Variants in ACER3 observed in about 807,000 individuals in gnomAD.
ACER3 encodes alkCDase 3.
ACER3 carries 16 observed loss-of-function variants against 48.9 expected under a neutral mutation model. The ratio of observed to expected loss-of-function variants is 0.33; its 90% CI spans 0.22 to 0.50. ACER3 has a LOEUF of 0.50. ACER3 is among the 20% of genes least tolerant of loss of function. The pLI is 0.98. For synonymous variants in ACER3, 109 were observed against 107.8 expected (o/e 1.01, Z -0.07); for missense variants, 227 against 326.0 (o/e 0.70, Z 2.34).
intron 7 of ACER3, among the ~76,000 whole-genome samples, chr11:77,005,606 T>C (rs782790067): frequency 6.6e-5 from 10 of 152,082 alleles, no homozygotes; most frequent in Non-Finnish European, 1.5e-4. Flanking sequence ...CTTACCTCTC[T>C]TCCTAGCTTC....
At chr11:76,941,278 G>A (rs912659232) in intron 2 of ACER3, among the ~76,000 whole-genome samples, 2 of 152,118 alleles carry the variant, frequency 1.3e-5, no homozygotes, top group African/African-American at 4.8e-5. Context: ...GCTTTGTGGA[G>A]AAATATTTCA....
intron 1 of ACER3, among the ~76,000 whole-genome samples, chr11:76,915,816 C>T (rs1946512726): frequency 6.6e-6 from 1 of 152,154 alleles, no homozygotes; most frequent in Admixed American, 6.6e-5. Context: ...TGTGTGCAAG[C>T]ACAGGGAAAA....
At chr11:77,020,158 A>G (rs1949448387) in intron 10 of ACER3, 116 bp from the exon 11 acceptor site, 23 of 1,028,534 alleles carry the variant, frequency 2.2e-5, no homozygotes, top group Non-Finnish European at 3.3e-5. Context: ...TACCAGGACA[A>G]TCACTAGCAA....
At chr11:76,887,409 C>CT (rs1421614150) in intron 1 of ACER3, among the ~76,000 whole-genome samples, 8 of 152,154 alleles carry the variant, frequency 5.3e-5, no homozygotes, top group Non-Finnish European at 1.0e-4. Flanking sequence ...CAAAGAGAGA[C>CT]TGCTTGAAGT....
chr11:76,955,211 A>C (rs966387455), intron 2 of ACER3, among the ~76,000 whole-genome samples: 1 of 152,212 alleles, frequency 6.6e-6, no homozygotes, highest in Non-Finnish European at 1.5e-5. Flanking sequence ...TCCTCAAAAT[A>C]CTAAACCATG....
chr11:76,955,534 T>C (rs1947816625), intron 2 of ACER3: 1 of 152,514 alleles, frequency 6.6e-6, no homozygotes. Context: ...CTTCCTGGCT[T>C]GCAGATGGTC....
At chr11:76,910,629 A>G (rs1946354711) in intron 1 of ACER3, among the ~76,000 whole-genome samples, 1 of 152,206 alleles carries the variant, frequency 6.6e-6, no homozygotes, top group Non-Finnish European at 1.5e-5. Context: ...ATATACCATT[A>G]ATAAACAGAA....
intron 2 of ACER3, among the ~76,000 whole-genome samples, chr11:76,938,961 A>C (rs1349129925): frequency 3.1e-5 from 3 of 97,542 alleles, no homozygotes; most frequent in South Asian, 6.8e-4. Flanking sequence ...TCAGAAAGTA[A>C]GAAAGTGCTA....
intron 1 of ACER3, among the ~76,000 whole-genome samples, chr11:76,865,930 G>A (rs1945075305): frequency 6.7e-6 from 1 of 150,292 alleles, no homozygotes; most frequent in Non-Finnish European, 1.5e-5. Context: ...AATCCTCCCA[G>A]CTCAGGCTCC....
intron 9 of ACER3, among the ~76,000 whole-genome samples, chr11:77,017,739 C>A (rs1555023616): frequency 6.6e-6 from 1 of 152,048 alleles, no homozygotes; most frequent in African/African-American, 2.4e-5. Context: ...ATAACTTTTT[C>A]TTTTGTTTGT....
intron 6 of ACER3, chr11:76,994,070 C>T: frequency 2.3e-6 from 1 of 430,546 alleles, no homozygotes; most frequent in Non-Finnish European, 4.6e-6. Context: ...TCAGTGACTG[C>T]ATCTGAACAT....
chr11:76,897,373 A>C (rs1370248135), intron 1 of ACER3, among the ~76,000 whole-genome samples: 1 of 152,238 alleles, frequency 6.6e-6, no homozygotes, highest in Admixed American at 6.5e-5. Flanking sequence ...ATCTGAGATC[A>C]TATCATTGAA....
chr11:76,881,289 A>T (rs980977618), intron 1 of ACER3, among the ~76,000 whole-genome samples: 6 of 150,972 alleles, frequency 4.0e-5, no homozygotes, highest in African/African-American at 1.5e-4. Flanking sequence ...TCCCAAGCAG[A>T]TAACAATTTA....
chr11:76,940,501 A>G (rs948153532), intron 2 of ACER3, among the ~76,000 whole-genome samples: 2 of 152,244 alleles, frequency 1.3e-5, no homozygotes, highest in Admixed American at 6.5e-5. Context: ...ATCAGCTATA[A>G]GTACATATAG....
In ACER3 at chr11:76,860,955, G is replaced by GGGCGGC. The variant is rs753848905; in HGVS notation, c.-8_-3dup. 5.9e-5 allele frequency: 89 copies of GGGCGGC among 1,509,322 alleles called. No homozygotes were observed. Among genetic ancestry groups the GGGCGGC allele is most frequent in the Admixed American group, 4.4e-4 (22 of 49,836 alleles). The allele number at this position is 1,509,322 out of a possible 1,614,324, so 93.5% of individuals were successfully genotyped here. A position where few individuals can be genotyped will look rare whatever the true frequency, so the allele number is the denominator to read the frequency against. On this transcript the variant is annotated 5_prime_UTR_variant, in exon 1 of 11. Transcript: ENST00000532485. ...ACCCGGCACAGTGAGCGGAGCGCCTGGGCGGCGGCGGCGGCGGCGTGATGG... is the reference window on the plus strand; with the variant it reads ...ACCCGGCACAGTGAGCGGAGCGCCTGGGCGGCGGCGGCGGCGGCGGCGGCGTGATGG...
intron 1 of ACER3, among the ~76,000 whole-genome samples, chr11:76,917,628 GGGA>G (rs1946568527): frequency 6.6e-6 from 1 of 152,124 alleles, no homozygotes; most frequent in Non-Finnish European, 1.5e-5. Flanking sequence ...AGGCCAAGGT[GGGA>G]GGATTGCTTG....
At chr11:76,912,388 T>C (rs1396932298) in intron 1 of ACER3, among the ~76,000 whole-genome samples, 1 of 152,178 alleles carries the variant, frequency 6.6e-6, no homozygotes, top group East Asian at 1.9e-4. Flanking sequence ...TTTTTTAAGC[T>C]ACCCAGTTTG....
rs76823512 is a variant in ACER3 at position 77,004,772 on chromosome 11, T to A, written c.497+5951T>A. Among the ~76,000 whole-genome samples, 835 of 152,300 alleles carry A rather than the reference T, an allele frequency of 5.5e-3. 7 individuals are homozygous for A. The highest frequency in any genetic ancestry group is 0.019 in the African/African-American group (797 of 41,568). On this transcript the variant is annotated intron_variant, in intron 7 of 10. Coordinates refer to ENST00000532485, the MANE Select transcript of ACER3 (RefSeq NM_018367.7). ...GATTAATGTTTGTGTGGCATATCTTTTTTCATCCTTTTAGTTTCAACCTGA... is the reference window on the plus strand; with the variant it reads ...GATTAATGTTTGTGTGGCATATCTTATTTCATCCTTTTAGTTTCAACCTGA...
At chr11:76,935,057 G>C (rs1020128515) in intron 2 of ACER3, among the ~76,000 whole-genome samples, 2 of 152,000 alleles carry the variant, frequency 1.3e-5, no homozygotes, top group African/African-American at 4.8e-5. Flanking sequence ...CCTCAAAAAA[G>C]ACGAAACAAA....
Sources: allele counts gnomAD v4.1 joint callset (sites outside exome capture counted in the v4.1 genomes callset), GRCh38; gene constraint gnomAD v4.1.1; transcripts MANE v1.5; gene names NCBI Gene and HGNC (gene_info 2026-07-23, HGNC 2026-07-21).